Variants in PLCB2 observed in about 807,000 individuals in gnomAD.
The protein encoded by PLCB2 is 1-phosphatidylinositol 4,5-bisphosphate phosphodiesterase beta-2.
PLCB2 carries 115 observed loss-of-function variants against 141.7 expected under a neutral mutation model. That is an observed-to-expected ratio of 0.81 (90% CI 0.70 to 0.95). The LOEUF (loss-of-function observed/expected upper bound fraction) is 0.95, where lower values mean the gene tolerates loss of function less well. Among genes scored for constraint, PLCB2 ranks in the 40% least tolerant of loss-of-function variants. The probability of loss-of-function intolerance (pLI) is 0.00; values close to 1 mark genes in which losing one functional copy is unlikely to be tolerated. For missense variants in PLCB2, 1,403 were observed against 1,541.1 expected (o/e 0.91, Z 1.50); for synonymous variants, 603 against 595.6 (o/e 1.01, Z -0.18).
chr15:40,285,118 A>G (rs1192800914), downstream of PLCB2, among the ~76,000 whole-genome samples: 1 of 152,184 alleles, frequency 6.6e-6, no homozygotes, highest in Non-Finnish European at 1.5e-5. Flanking sequence ...TCCAGCTCCC[A>G]GGCTCCGGGG....
Position 40,291,605 on chromosome 15 carries a change from C to T in PLCB2, c.2647+1G>A, listed in dbSNP as rs1243119851. 3.7e-6 allele frequency: 6 copies of T among 1,613,452 alleles called. No homozygotes were observed. Among genetic ancestry groups the T allele is most frequent in the Admixed American group, 1.7e-5 (1 of 60,010 alleles). ...AGATCACCGGGCTCAGCAGGCCTTA[C>T]CCGCAGCTTCTTTCATAGCCTCTTC... On this transcript the variant is annotated splice_donor_variant, in intron 25 of 31. Coordinates refer to ENST00000260402, the MANE Select transcript of PLCB2 (RefSeq NM_004573.3). LOFTEE classifies it high-confidence loss of function.
rs138547741 is a variant in PLCB2 at position 40,296,310 on chromosome 15, A to T, written c.1682T>A (p.Phe561Tyr). ...NYIQPTKFVS[F>Y]EFSAQKNRSY... ...TGCTAACTTACGGGCAGAGAACTCAAAGGAGACGAACTTGGTGGGCTGGAT... is the reference window on the plus strand; with the variant it reads ...TGCTAACTTACGGGCAGAGAACTCATAGGAGACGAACTTGGTGGGCTGGAT... The change falls in exon 16 of 32, where the codon TTT becomes TAT. Residue 561 changes from phenylalanine (F) to tyrosine (Y), a missense_variant. Phe to Tyr is a conservative substitution (Grantham distance 22, BLOSUM62 3). Transcript: ENST00000260402. 1.3e-4 allele frequency: 213 copies of T among 1,613,346 alleles called. No homozygotes were observed. In the East Asian group the frequency reaches 4.6e-3, roughly 35 times the overall value.
intron 24 of PLCB2, 54 bp from the exon 25 acceptor site, chr15:40,291,704 G>C: frequency 6.2e-7 from 1 of 1,607,052 alleles, no homozygotes; most frequent in Non-Finnish European, 8.5e-7. Context: ...CCTTGGCTCC[G>C]TTCGCCTCCT....
At chr15:40,298,140 T>C in intron 11 of PLCB2, 83 bp downstream of exon 11, 5 of 1,424,076 alleles carry the variant, frequency 3.5e-6, no homozygotes, top group Non-Finnish European at 4.8e-6. Flanking sequence ...TTCTCTAGCT[T>C]CAGCCCTCCA....
At chr15:40,291,243 A>G in intron 26 of PLCB2, 22 bp downstream of exon 26, 1 of 1,573,220 alleles carries the variant, frequency 6.4e-7, no homozygotes, top group Admixed American at 1.8e-5. Flanking sequence ...TGCAGAGGGC[A>G]GGGCACCGCC....
intron 2 of PLCB2, 131 bp downstream of exon 2, chr15:40,303,870 C>T: frequency 1.6e-6 from 1 of 643,766 alleles, no homozygotes; most frequent in Non-Finnish European, 2.8e-6. Flanking sequence ...ACAGGGGAGC[C>T]TCTGGAGCCA....
intron 1 of PLCB2, among the ~76,000 whole-genome samples, chr15:40,305,075 C>A (rs1386298156): frequency 1.3e-5 from 2 of 152,080 alleles, no homozygotes; most frequent in African/African-American, 4.8e-5. Context: ...GTGTTGGGAG[C>A]TCCATTCCCT....
intron 28 of PLCB2, 25 bp from the exon 29 acceptor site, chr15:40,290,697 G>A: frequency 3.1e-6 from 5 of 1,611,834 alleles, no homozygotes; most frequent in Non-Finnish European, 4.2e-6. Context: ...GCATGAAGGA[G>A]CTGTTTTGTG....
intron 7 of PLCB2, chr15:40,301,405 A>G (rs952578809): frequency 1.6e-6 from 1 of 608,166 alleles, no homozygotes; most frequent in Non-Finnish European, 2.9e-6. Context: ...AAGTTGCTTC[A>G]TGGGGTGACC....
At chr15:40,291,757 G>A in intron 24 of PLCB2, 92 bp downstream of exon 24, 1 of 1,602,910 alleles carries the variant, frequency 6.2e-7, no homozygotes, top group Non-Finnish European at 8.5e-7. Context: ...CCCCTGCCCC[G>A]CACTTTCCCT....
At chr15:40,291,965 C>G (rs764170129) in intron 23 of PLCB2, 41 bp from the exon 24 acceptor site, 2 of 1,609,198 alleles carry the variant, frequency 1.2e-6, no homozygotes, top group Non-Finnish European at 1.7e-6. Flanking sequence ...CTTGACAGCC[C>G]TCTCTCCCCG....
rs2040118296 is a variant in PLCB2, at chr15:40,294,819, C to T, written c.1906+117G>A. ...AATTCTCACGCACCTGGGCATGCTCCCAGAGTCTACACTAACAGCAGGACT... is the reference window on the plus strand; with the variant it reads ...AATTCTCACGCACCTGGGCATGCTCTCAGAGTCTACACTAACAGCAGGACT... On this transcript the variant is annotated intron_variant, in intron 18 of 31. Transcript: ENST00000260402. 5.3e-6 allele frequency: 7 copies of T among 1,328,724 alleles called. No homozygotes were observed. In the African/African-American group the frequency reaches 5.8e-5, roughly 11 times the overall value. The allele number at this position is 1,328,724 out of a possible 1,614,324, so 82.3% of individuals were successfully genotyped here. A position where few individuals can be genotyped will look rare whatever the true frequency, so the allele number is the denominator to read the frequency against.
At chr15:40,299,904 T>C (rs931322886) in intron 7 of PLCB2, among the ~76,000 whole-genome samples, 12 of 152,196 alleles carry the variant, frequency 7.9e-5, no homozygotes, top group African/African-American at 2.7e-4. Context: ...AAAGAAGATA[T>C]ATAAGTGACT....
chr15:40,291,570 C>G, intron 25 of PLCB2, 36 bp downstream of exon 25: 1 of 1,612,442 alleles, frequency 6.2e-7, no homozygotes, highest in South Asian at 1.1e-5. Context: ...CCGCCCCAGG[C>G]TCATCCCCGA....
At chr15:40,298,495 A>T (rs925683235) in intron 10 of PLCB2, 67 bp downstream of exon 10, 1 of 1,604,076 alleles carries the variant, frequency 6.2e-7, no homozygotes, top group Admixed American at 1.7e-5. Context: ...CATGTGGGCA[A>T]CCCCTGTGGA....
chr15:40,291,786 G>A (rs1343828179), intron 24 of PLCB2, 63 bp downstream of exon 24: 2 of 1,611,302 alleles, frequency 1.2e-6, no homozygotes, highest in Non-Finnish European at 8.5e-7. Context: ...TTTTTTAAAG[G>A]GAAGTGCCTG....
chr15:40,304,508 C>A (rs2040696698), intron 1 of PLCB2, among the ~76,000 whole-genome samples: 2 of 152,260 alleles, frequency 1.3e-5, no homozygotes, highest in Non-Finnish European at 2.9e-5. Context: ...CCTGTCCATT[C>A]AACTGTCCCA....
chr15:40,302,066 A>G (rs774060585), intron 6 of PLCB2, 34 bp from the exon 7 acceptor site: 4 of 1,613,892 alleles, frequency 2.5e-6, no homozygotes, highest in Non-Finnish European at 3.4e-6. Context: ...AGGTACAGAG[A>G]GGAGTCAGGC....
Position 40,297,399 on chromosome 15 carries a change from C to A in PLCB2, c.1323+122G>T. On this transcript the variant is annotated intron_variant, in intron 13 of 31. Transcript: ENST00000260402. This position sits in a 1 kb window ranked among gnomAD's most constrained non-coding sequence, Gnocchi z 4.2. ...ACACGGAAGGTGACAGGATCCCAGA[C>A]CCGCATCTAACCAAGTGAACCCTAG... 1 of 765,694 alleles carries A rather than the reference C, an allele frequency of 1.3e-6. No homozygotes were observed. Among genetic ancestry groups the A allele is most frequent in the Non-Finnish European group, 2.3e-6 (1 of 431,132 alleles). 47.4% of individuals were successfully genotyped at this position (765,694 alleles called of 1,614,324 possible). A position where few individuals can be genotyped will look rare whatever the true frequency, so the allele number is the denominator to read the frequency against.
Sources: allele counts gnomAD v4.1 joint callset (sites outside exome capture counted in the v4.1 genomes callset), GRCh38; gene constraint gnomAD v4.1.1; non-coding constraint Gnocchi (gnomAD v3.1); transcripts MANE v1.5; gene names NCBI Gene and HGNC (gene_info 2026-07-23, HGNC 2026-07-21).